The following CNGA1 variants were observed in gnomAD, a reference collection of about 807,000 sequenced individuals.
CNGA1 encodes cyclic nucleotide-gated channel alpha-1.
In CNGA1, 53 loss-of-function variants were observed where a neutral mutation model predicts 69.7. The ratio of observed to expected loss-of-function variants is 0.76; its 90% CI spans 0.61 to 0.96. The LOEUF (loss-of-function observed/expected upper bound fraction) is 0.96. CNGA1 is among the 40% of genes least tolerant of loss of function. CNGA1 has a pLI of 0.00. For synonymous variants in CNGA1, 249 were observed against 283.5 expected (o/e 0.88, Z 1.22); for missense variants, 739 against 811.2 (o/e 0.91, Z 1.08).
chr4:47,938,973 AAAGAAAAGAAAGAAAGAAAGAG>A (rs1738875067), intron 10 of CNGA1, among the ~76,000 whole-genome samples: 2 of 149,704 alleles, frequency 1.3e-5, no homozygotes, highest in African/African-American at 5.1e-5. Context: ...AGAAAGAAAG[AAAGAAAAGAAAGAAAGAAAGAG>A]AAAGAAAGAA....
chr4:48,012,982 T>C (rs1715234985), intron 1 of CNGA1: 1 of 151,932 alleles, frequency 6.6e-6, no homozygotes, highest in Non-Finnish European at 1.5e-5. Flanking sequence ...CTTTTCCCTG[T>C]TGGAAGTGAG....
chr4:47,974,323 T>C (rs1174264861), intron 3 of CNGA1, among the ~76,000 whole-genome samples: 3 of 152,152 alleles, frequency 2.0e-5, no homozygotes, highest in Non-Finnish European at 4.4e-5. Flanking sequence ...TTTTTATCTA[T>C]ATTTTCTCCT....
chr4:47,986,857 C>T lies in CNGA1; in HGVS notation c.-122-5357G>A, dbSNP rs138846509. On this transcript the variant is annotated intron_variant, in intron 2 of 10. Coordinates refer to ENST00000514170, the MANE Select transcript of CNGA1 (RefSeq NM_001379270.1). ...GGAGGAAAGGAACTGAACTGGAAGG[C>T]TTTGGGAAGATTATCTTTTTGCTGA... 9.2e-5 allele frequency among the ~76,000 whole-genome samples: 14 copies of T among 152,126 alleles called. No individual in the cohort carries two copies. In the East Asian group the frequency reaches 2.7e-3, roughly 29 times the overall value.
intron 3 of CNGA1, among the ~76,000 whole-genome samples, chr4:47,971,824 G>A (rs530145173): frequency 5.9e-5 from 9 of 152,132 alleles, no homozygotes; most frequent in Non-Finnish European, 1.3e-4. Flanking sequence ...AACCTGGGAG[G>A]TGGAGGTTGC....
intron 3 of CNGA1, among the ~76,000 whole-genome samples, chr4:47,960,774 A>G (rs1740392043): frequency 6.6e-6 from 1 of 152,244 alleles, no homozygotes; most frequent in Admixed American, 6.5e-5. Flanking sequence ...TACTTCCAAC[A>G]ACATGGATGA....
intron 1 of CNGA1, among the ~76,000 whole-genome samples, chr4:48,016,169 A>G (rs1206594376): frequency 2.0e-5 from 3 of 152,140 alleles, no homozygotes; most frequent in African/African-American, 7.2e-5. Flanking sequence ...TGACCCAGAA[A>G]ATGGGGCAGG....
chr4:47,948,863 A>T (rs1739578410), intron 6 of CNGA1, among the ~76,000 whole-genome samples: 1 of 152,198 alleles, frequency 6.6e-6, no homozygotes, highest in Admixed American at 6.5e-5. Context: ...TAAGTCATCT[A>T]GACCAGCAGA....
chr4:47,984,648 ATAT>A (rs772650603), intron 2 of CNGA1, among the ~76,000 whole-genome samples: 13 of 84,762 alleles, frequency 1.5e-4, no homozygotes, highest in South Asian at 3.6e-4. Context: ...AATAAAAAAA[ATAT>A]ATATATATAT....
chr4:48,009,648 A>G (rs566759428), intron 2 of CNGA1, among the ~76,000 whole-genome samples: 98 of 152,124 alleles, frequency 6.4e-4, no homozygotes, highest in African/African-American at 2.1e-3. Flanking sequence ...TACTAAAAAT[A>G]CAAAAATTAG....
At chr4:47,944,508 G>C (rs901270073) in intron 6 of CNGA1, among the ~76,000 whole-genome samples, 1 of 152,152 alleles carries the variant, frequency 6.6e-6, no homozygotes, top group East Asian at 1.9e-4. Flanking sequence ...TGGAAACCTG[G>C]AAAAAGGTAA....
chr4:47,941,051 G>A (rs554094974), intron 9 of CNGA1, among the ~76,000 whole-genome samples, 182 bp from the exon 10 acceptor site: 1 of 152,118 alleles, frequency 6.6e-6, no homozygotes, highest in Non-Finnish European at 1.5e-5. Context: ...GTTGGATTTC[G>A]ATCCTCACAC....
rs1738667008 is a variant in CNGA1 at position 47,936,725 on chromosome 4, T to C, written c.1757A>G (p.Asp586Gly). The C allele has an allele frequency of 6.2e-7, 1 of 1,614,106 alleles. No homozygotes were observed. Residue 586 changes from aspartate to glycine, a missense_variant, in exon 11 of 11, where the codon GAT becomes GGT. By Grantham distance (94) the Asp-to-Gly change is moderately conservative. Coordinates refer to ENST00000514170, the MANE Select transcript of CNGA1 (RefSeq NM_001379270.1). ...DLMEALTEYP[D>G]AKTMLEEKGK... ...TTTCTCTTCCAGCATAGTTTTGGCA[T>C]CTGGGTACTCAGTTAGAGCTTCCAT...
At chr4:47,984,663 TACACACACACACACAC>T (rs60055899) in intron 2 of CNGA1, among the ~76,000 whole-genome samples, 20 of 127,316 alleles carry the variant, frequency 1.6e-4, no homozygotes, top group Non-Finnish European at 2.3e-4. Context: ...TATATATATA[TACACACACACACACAC>T]ACACACACAC....
intron 3 of CNGA1, among the ~76,000 whole-genome samples, chr4:47,954,797 C>A (rs560888896): frequency 4.6e-5 from 7 of 152,282 alleles, no homozygotes; most frequent in Non-Finnish European, 7.3e-5. Flanking sequence ...ACCTTACGAG[C>A]CTTTTTGAAG....
chr4:47,940,457 C>G (rs1739006707), intron 10 of CNGA1, among the ~76,000 whole-genome samples: 1 of 152,214 alleles, frequency 6.6e-6, no homozygotes, highest in South Asian at 2.1e-4. Flanking sequence ...TAGCTTCCCC[C>G]TGTAGCTGGC....
At chr4:47,989,552 A>G (rs2661536) in intron 2 of CNGA1, among the ~76,000 whole-genome samples, 21,308 of 152,166 alleles carry the variant, frequency 0.14, 1,833 homozygotes, top group Middle Eastern at 0.22. Flanking sequence ...TTGTGTCTGA[A>G]TTTAAATGAC....
At chr4:47,958,640 C>T (rs900950289) in intron 3 of CNGA1, among the ~76,000 whole-genome samples, 9 of 151,522 alleles carry the variant, frequency 5.9e-5, no homozygotes, top group East Asian at 1.9e-4. Context: ...AAAAAATAGA[C>T]GTAGATGATT....
At position 48,011,918 on chromosome 4, in the gene CNGA1, G is replaced by A. The variant is rs972228513; in HGVS notation, c.-222-1025C>T. Among the ~76,000 whole-genome samples, 4 of 152,156 alleles carry A rather than the reference G, an allele frequency of 2.6e-5. No individual in the cohort carries two copies. The East Asian group carries it at 7.7e-4, about 29-fold the overall frequency. On this transcript the variant is annotated intron_variant, in intron 1 of 10. Coordinates refer to ENST00000514170, the MANE Select transcript of CNGA1 (RefSeq NM_001379270.1). ...ATAGTGGCGGCCCTTAAAGACAATA[G>A]ATGAAAATGTTTCCTATTCAGATCT...
chr4:47,936,583 C>T lies in CNGA1; in HGVS notation c.1899G>A (p.Leu633=). ...VTRMEGSVDL[L]QTRFARILAE... The stretch of plus-strand genomic sequence containing the variant: ...CCAAGATTCGGGCAAACCTGGTTTG[C>T]AGGAGGTCTACTGACCCCTCCATTC... The change falls in exon 11 of 11, where the codon CTG becomes CTA. Residue 633 remains leucine (L), a synonymous_variant. Transcript: ENST00000514170. 6.2e-7 allele frequency: 1 copy of T among 1,614,208 alleles called. No individual in the cohort carries two copies. Among genetic ancestry groups the T allele is most frequent in the African/African-American group, 1.3e-5 (1 of 75,044 alleles).
Sources: allele counts gnomAD v4.1 joint callset (sites outside exome capture counted in the v4.1 genomes callset), GRCh38; gene constraint gnomAD v4.1.1; transcripts MANE v1.5; gene names NCBI Gene and HGNC (gene_info 2026-07-23, HGNC 2026-07-21).